Variants in CSMD1 observed in about 807,000 individuals in gnomAD.
CSMD1 encodes the protein CUB and Sushi multiple domains 1, also known as CUB and sushi domain-containing protein 1.
CSMD1 carries 213 observed loss-of-function variants against 417.5 expected under a neutral mutation model. The observed-to-expected ratio is 0.51, with a 90% CI of 0.46 to 0.57. CSMD1 has a LOEUF of 0.57. CSMD1 is among the 20% of genes least tolerant of loss of function. The probability of loss-of-function intolerance (pLI) is 0.00; values close to 1 mark genes in which losing one functional copy is unlikely to be tolerated. For missense variants in CSMD1, 6,923 were observed against 4,529.7 expected, an observed-to-expected ratio of 1.53 and a Z score of -15.17; for synonymous variants, 2,862 against 1,736.8, an observed-to-expected ratio of 1.65 and a Z score of -16.11.
At chr8:3,538,128 C>T (rs1798279480) in intron 10 of CSMD1, among the ~76,000 whole-genome samples, 1 of 152,208 alleles carries the variant, frequency 6.6e-6, no homozygotes, top group South Asian at 2.1e-4. Context: ...CAAACGATTG[C>T]ACATGGACTT....
At chr8:4,978,924 C>T (rs1250881494) in intron 1 of CSMD1, among the ~76,000 whole-genome samples, 2 of 152,134 alleles carry the variant, frequency 1.3e-5, no homozygotes, top group Non-Finnish European at 1.5e-5. Flanking sequence ...GGCGACAGAG[C>T]TATTGGGAAC....
At chr8:4,621,381 T>C (rs1210424573) in intron 2 of CSMD1, among the ~76,000 whole-genome samples, 1 of 152,068 alleles carries the variant, frequency 6.6e-6, no homozygotes, top group Admixed American at 6.5e-5. Context: ...TTTGGAACAT[T>C]TGGGATTTGG....
At chr8:4,470,812 G>T (rs181199768) in intron 2 of CSMD1, among the ~76,000 whole-genome samples, 1 of 152,108 alleles carries the variant, frequency 6.6e-6, no homozygotes, top group African/African-American at 2.4e-5. Flanking sequence ...ATTCTTACAG[G>T]TTATCTGAAT....
chr8:3,398,182 G>C lies in CSMD1; in HGVS notation c.2405+1209C>G, dbSNP rs539448507. 7.2e-5 allele frequency among the ~76,000 whole-genome samples: 11 copies of C among 152,260 alleles called. No individual in the cohort carries two copies. In the East Asian group the frequency reaches 1.7e-3, roughly 24 times the overall value. ...TACTTTTACTAAATTACTTAAATTT[G>C]ATACGCTGCTGGGAGTCAGGGCGTG... On this transcript the variant is annotated intron_variant, in intron 16 of 69. Coordinates refer to ENST00000635120, the MANE Select transcript of CSMD1 (RefSeq NM_033225.6).
At chr8:4,613,720 A>C (rs1379017672) in intron 2 of CSMD1, among the ~76,000 whole-genome samples, 2 of 152,166 alleles carry the variant, frequency 1.3e-5, no homozygotes, top group African/African-American at 4.8e-5. Flanking sequence ...AGTGAAAAAA[A>C]TAGAAGACTG....
intron 22 of CSMD1, among the ~76,000 whole-genome samples, chr8:3,345,962 ACAT>A (rs1807961234): frequency 6.6e-6 from 1 of 152,220 alleles, no homozygotes; most frequent in South Asian, 2.1e-4. Flanking sequence ...AAGCAAGAAA[ACAT>A]CATGTTTATT....
intron 12 of CSMD1, among the ~76,000 whole-genome samples, chr8:3,433,621 T>C (rs1462927789): frequency 1.3e-5 from 2 of 152,188 alleles, no homozygotes; most frequent in Non-Finnish European, 2.9e-5. Flanking sequence ...ATCTTCTTTA[T>C]GTCTTGGCCC....
intron 4 of CSMD1, among the ~76,000 whole-genome samples, chr8:4,018,432 C>T (rs1424966700): frequency 6.6e-6 from 1 of 152,176 alleles, no homozygotes; most frequent in Admixed American, 6.5e-5. Context: ...TTTGCAATCT[C>T]TGAGTAGCTG....
chr8:3,875,587 G>A (rs1343397230), intron 5 of CSMD1, among the ~76,000 whole-genome samples: 2 of 152,162 alleles, frequency 1.3e-5, no homozygotes, highest in Non-Finnish European at 2.9e-5. Flanking sequence ...TTGGAGAGGA[G>A]TCCCATTGTG....
At chr8:3,873,115 T>G (rs1026946452) in intron 5 of CSMD1, among the ~76,000 whole-genome samples, 1 of 152,092 alleles carries the variant, frequency 6.6e-6, no homozygotes, top group African/African-American at 2.4e-5. Flanking sequence ...GGAGTGTAAA[T>G]TAGTTCAACT....
chr8:3,561,363 CAA>C (rs748869610), intron 10 of CSMD1, among the ~76,000 whole-genome samples: 8 of 152,184 alleles, frequency 5.3e-5, no homozygotes, highest in Non-Finnish European at 1.2e-4. Context: ...TTCACAATAG[CAA>C]AGTCATAGAA....
chr8:4,880,367 A>G (rs1803311595), intron 1 of CSMD1, among the ~76,000 whole-genome samples: 1 of 152,088 alleles, frequency 6.6e-6, no homozygotes, highest in Non-Finnish European at 1.5e-5. Flanking sequence ...ACGTCTGAAC[A>G]CACAAACCAC....
chr8:3,937,818 C>T (rs375131573), intron 5 of CSMD1, among the ~76,000 whole-genome samples: 39 of 152,106 alleles, frequency 2.6e-4, no homozygotes, highest in African/African-American at 7.7e-4. Context: ...ACTGCTTACA[C>T]AGGAAATTTT....
chr8:4,283,673 T>A (rs951422888), intron 3 of CSMD1, among the ~76,000 whole-genome samples: 9 of 152,302 alleles, frequency 5.9e-5, no homozygotes, highest in South Asian at 2.1e-4. Context: ...ACCTCAGTTT[T>A]CCACATTCAC....
intron 5 of CSMD1, among the ~76,000 whole-genome samples, chr8:3,796,967 A>T (rs1169510228): frequency 6.6e-6 from 1 of 151,792 alleles, no homozygotes; most frequent in East Asian, 1.9e-4. Flanking sequence ...ATAATTAAAT[A>T]ATTCCCCACA....
At chr8:4,132,413 T>C (rs1428744881) in intron 3 of CSMD1, among the ~76,000 whole-genome samples, 1 of 152,148 alleles carries the variant, frequency 6.6e-6, no homozygotes, top group Non-Finnish European at 1.5e-5. Flanking sequence ...GAAAATGATG[T>C]TTACCCATAG....
chr8:4,106,169 G>A (rs577535795), intron 3 of CSMD1, among the ~76,000 whole-genome samples: 48 of 152,100 alleles, frequency 3.2e-4, no homozygotes, highest in Non-Finnish European at 4.6e-4. Context: ...ACAGACCAGC[G>A]TCTGTGCCTG....
At chr8:4,971,665 CAT>C (rs1408822855) in intron 1 of CSMD1, among the ~76,000 whole-genome samples, 8 of 146,462 alleles carry the variant, frequency 5.5e-5, no homozygotes, top group African/African-American at 1.0e-4. Context: ...TCCTTGCACA[CAT>C]ATGACTGAGA....
chr8:4,453,613 G>T (rs371488860), intron 2 of CSMD1, among the ~76,000 whole-genome samples: 4 of 152,050 alleles, frequency 2.6e-5, no homozygotes, highest in African/African-American at 4.8e-5. Flanking sequence ...CGACAGCACA[G>T]TGCTGAGAAA....
Sources: allele counts gnomAD v4.1 joint callset (sites outside exome capture counted in the v4.1 genomes callset), GRCh38; gene constraint gnomAD v4.1.1; transcripts MANE v1.5; gene names NCBI Gene and HGNC (gene_info 2026-07-23, HGNC 2026-07-21).